The following TTLL5 variants were observed in gnomAD, a reference collection of about 807,000 sequenced individuals.
TTLL5 encodes the protein tubulin tyrosine ligase like 5.
Under a neutral mutation model 168.4 loss-of-function variants are expected in TTLL5, and 132 were observed. The ratio of observed to expected loss-of-function variants is 0.78; its 90% confidence interval spans 0.68 to 0.91. TTLL5 has a LOEUF of 0.91. Among genes scored for constraint, TTLL5 ranks in the 40% least tolerant of loss-of-function variants. The pLI is 0.00. For missense variants in TTLL5, 1,545 were observed against 1,581.5 expected (o/e 0.98, Z 0.39); for synonymous variants, 546 against 558.6 (o/e 0.98, Z 0.32).
intron 31 of TTLL5, among the ~76,000 whole-genome samples, chr14:75,910,137 T>C (rs2033313146): frequency 6.6e-6 from 1 of 152,224 alleles, no homozygotes. Flanking sequence ...AAATTGATAT[T>C]TTTTTCTTGC....
At chr14:75,738,893 T>A (rs955335029) in intron 15 of TTLL5, among the ~76,000 whole-genome samples, 5 of 152,110 alleles carry the variant, frequency 3.3e-5, no homozygotes, top group African/African-American at 1.2e-4. Flanking sequence ...CAGCCTGGAC[T>A]TCCTGGGCTC....
intron 18 of TTLL5, among the ~76,000 whole-genome samples, chr14:75,761,323 T>G (rs1198099141): frequency 1.3e-5 from 2 of 151,906 alleles, no homozygotes; most frequent in Non-Finnish European, 2.9e-5. Flanking sequence ...ACTGGCAGTT[T>G]GTTAGAAATA....
chr14:75,827,704 G>GTTTTT (rs1566621341), intron 28 of TTLL5, among the ~76,000 whole-genome samples: 9 of 92,546 alleles, frequency 9.7e-5, no homozygotes, highest in Middle Eastern at 8.2e-3. Flanking sequence ...ATTTGGCTTG[G>GTTTTT]TTCTTTTTTT....
intron 31 of TTLL5, among the ~76,000 whole-genome samples, chr14:75,936,847 A>G (rs1382189040): frequency 1.3e-5 from 2 of 152,208 alleles, no homozygotes; most frequent in Non-Finnish European, 2.9e-5. Context: ...TCCCAAAGGA[A>G]GAGAAAGGGG....
chr14:75,800,902 G>C (rs1306199785), intron 27 of TTLL5, among the ~76,000 whole-genome samples: 1 of 152,136 alleles, frequency 6.6e-6, no homozygotes, highest in South Asian at 2.1e-4. Flanking sequence ...GACTCTGTGA[G>C]GGTCCTTTGT....
chr14:75,925,161 G>A (rs1282611324), intron 31 of TTLL5, among the ~76,000 whole-genome samples: 2 of 147,076 alleles, frequency 1.4e-5, no homozygotes, highest in African/African-American at 5.1e-5. Context: ...CTCCCTCCCG[G>A]ACGGGGCGGC....
intron 29 of TTLL5, among the ~76,000 whole-genome samples, chr14:75,866,093 G>A (rs2030494143): frequency 1.3e-5 from 2 of 152,116 alleles, no homozygotes; most frequent in South Asian, 4.1e-4. Flanking sequence ...TAACTAATAA[G>A]ATAACAAATA....
intron 28 of TTLL5, among the ~76,000 whole-genome samples, chr14:75,861,315 A>T (rs1192143816): frequency 6.6e-6 from 1 of 152,204 alleles, no homozygotes; most frequent in Admixed American, 6.5e-5. Flanking sequence ...AATCTCTCTA[A>T]GAGAGTTGGG....
intron 27 of TTLL5, among the ~76,000 whole-genome samples, chr14:75,810,725 G>T (rs1333139131): frequency 6.6e-6 from 1 of 152,152 alleles, no homozygotes; most frequent in Non-Finnish European, 1.5e-5. Flanking sequence ...CATGAAATTT[G>T]CAGACATCCT....
intron 15 of TTLL5, among the ~76,000 whole-genome samples, chr14:75,742,286 TTC>T (rs1045404245): frequency 2.0e-5 from 3 of 152,230 alleles, no homozygotes; most frequent in Non-Finnish European, 2.9e-5. Context: ...TTGAGGCTGT[TTC>T]TTACTCTCTC....
chr14:75,950,351 A>G (rs1340902552), intron 31 of TTLL5, among the ~76,000 whole-genome samples: 1 of 152,252 alleles, frequency 6.6e-6, no homozygotes, highest in Non-Finnish European at 1.5e-5. Flanking sequence ...GTCACGGTAA[A>G]AGGAAAGGGC....
intron 28 of TTLL5, among the ~76,000 whole-genome samples, chr14:75,853,769 CG>C (rs763542988): frequency 5.3e-5 from 8 of 152,178 alleles, no homozygotes; most frequent in Non-Finnish European, 1.0e-4. Context: ...TTTGGCTGGA[CG>C]CAGTGGCTTA....
At chr14:75,783,556 C>A in intron 26 of TTLL5, 26 bp downstream of exon 26, 1 of 1,602,312 alleles carries the variant, frequency 6.2e-7, no homozygotes, top group Non-Finnish European at 8.5e-7. Flanking sequence ...AAAGACAGTC[C>A]ACAATGTGAG....
At chr14:75,791,145 A>G (rs1194086760) in intron 26 of TTLL5, among the ~76,000 whole-genome samples, 1 of 149,956 alleles carries the variant, frequency 6.7e-6, no homozygotes, top group Non-Finnish European at 1.5e-5. Flanking sequence ...GTATTACTAC[A>G]TAAACTTGAA....
intron 28 of TTLL5, among the ~76,000 whole-genome samples, chr14:75,861,245 T>G (rs1235938587): frequency 6.6e-6 from 1 of 152,066 alleles, no homozygotes; most frequent in Non-Finnish European, 1.5e-5. Flanking sequence ...GAGGTGAGAT[T>G]ATGGGATAGA....
chr14:75,687,250 A>C (rs543947228), intron 5 of TTLL5, among the ~76,000 whole-genome samples: 1 of 152,298 alleles, frequency 6.6e-6, no homozygotes, highest in African/African-American at 2.4e-5. Flanking sequence ...ACAGTCATAA[A>C]AGGAAAAAAT....
intron 3 of TTLL5, 31 bp downstream of exon 3, chr14:75,669,553 G>C (rs757956196): frequency 6.3e-7 from 1 of 1,593,554 alleles, no homozygotes; most frequent in East Asian, 2.2e-5. Flanking sequence ...AGAGGACGGA[G>C]CTGGGCATGG....
chr14:75,782,223 C>T lies in TTLL5; in HGVS notation c.2516-264C>T, dbSNP rs146206099. 2.8e-3 allele frequency among the ~76,000 whole-genome samples: 421 copies of T among 151,924 alleles called. 2 individuals carry two copies. The highest frequency in any genetic ancestry group is 9.7e-3 in the African/African-American group (403 of 41,376). On this transcript the variant is annotated intron_variant, in intron 24 of 31. Transcript: ENST00000298832. Reference sequence around the variant, plus strand: ...GATAAGCCCTAGCTTGTTGGCTGTCCGTGGATGGCTGCCCTGGGTTTAGGT... The same window carrying T: ...GATAAGCCCTAGCTTGTTGGCTGTCTGTGGATGGCTGCCCTGGGTTTAGGT...
intron 29 of TTLL5, among the ~76,000 whole-genome samples, chr14:75,876,511 A>G (rs368224646): frequency 6.6e-6 from 1 of 152,132 alleles, no homozygotes; most frequent in African/African-American, 2.4e-5. Context: ...TGGTTTTAGA[A>G]ATGAGAGGAT....
Sources: gnomAD v4.1 joint callset for allele counts (sites outside exome capture counted in the v4.1 genomes callset) on GRCh38, gnomAD v4.1.1 for gene constraint, MANE v1.5 for transcripts, NCBI Gene and HGNC (gene_info 2026-07-23, HGNC 2026-07-21) for gene names.